Variants in OR10G3 observed in about 807,000 individuals in gnomAD.
The protein encoded by OR10G3 is olfactory receptor family 10 subfamily G member 3, also known as olfactory receptor 10G3.
Under a neutral mutation model 13.4 loss-of-function variants are expected in OR10G3, and 8 were observed. That is an observed-to-expected ratio of 0.60 (90% CI 0.35 to 1.08). OR10G3 has a LOEUF of 1.08. OR10G3 is among the 50% of genes least tolerant of loss of function. The probability of loss-of-function intolerance (pLI) is 0.02; values close to 1 mark genes in which losing one functional copy is unlikely to be tolerated. For synonymous variants in OR10G3, 142 were observed against 156.1 expected (o/e 0.91, Z 0.67); for missense variants, 393 against 386.6 (o/e 1.02, Z -0.14).
In OR10G3 at chr14:21,570,112, G is replaced by C; in HGVS notation, c.633C>G (p.Cys211Trp). The change falls in exon 2 of 2, where the codon TGC becomes TGG. Residue 211 changes from cysteine (C) to tryptophan (W), a missense_variant. Cys to Trp is a radical substitution (Grantham distance 215). Transcript: ENST00000641040. Reference sequence around the variant, plus strand: ...TGTAGGAGAGGAGGATCAGGGAGAAGCAACTGGCAACCACCACCCCAATGT... The same window carrying C: ...TGTAGGAGAGGAGGATCAGGGAGAACCAACTGGCAACCACCACCCCAATGT... The part of the protein sequence containing the change: ...FVDIGVVVAS[C>W]FSLILLSYIQ... 6.2e-7 allele frequency: 1 copy of C among 1,614,208 alleles called. No homozygotes were observed. Among genetic ancestry groups the C allele is most frequent in the Non-Finnish European group, 8.5e-7 (1 of 1,180,038 alleles).
chr14:21,573,075 A>G (rs1476600498), intron 1 of OR10G3, among the ~76,000 whole-genome samples: 2 of 152,214 alleles, frequency 1.3e-5, no homozygotes, highest in African/African-American at 4.8e-5. Context: ...CTGAAATTGT[A>G]AAACTACTGG....
At chr14:21,575,523 G>A (rs779691269) in intron 1 of OR10G3, among the ~76,000 whole-genome samples, 45 of 152,090 alleles carry the variant, frequency 3.0e-4, no homozygotes, top group Admixed American at 2.2e-3. Context: ...TGGGATTACA[G>A]GCATGCGCCA....
rs564081626 is a variant in OR10G3, at chr14:21,569,037, A to AATAT, written c.*762_*765dup. 6.6e-6 allele frequency: 1 copy of AATAT among 150,498 alleles called. No homozygotes were observed. Among genetic ancestry groups the AATAT allele is most frequent in the African/African-American group, 2.4e-5 (1 of 41,054 alleles). 9.3% of individuals were successfully genotyped at this position (150,498 alleles called of 1,614,324 possible). Reference sequence around the variant, plus strand: ...AGACGGACAGAACTAATGGGAAAAAAATATATATATATTTATATATATATA... The same window carrying AATAT: ...AGACGGACAGAACTAATGGGAAAAAAATATATATATATATATTTATATATATATA... On this transcript the variant is annotated 3_prime_UTR_variant, in exon 2 of 2. Coordinates refer to ENST00000641040, the MANE Select transcript of OR10G3 (RefSeq NM_001005465.2).
At chr14:21,571,038 T>A (rs1406964587) in intron 1 of OR10G3, among the ~76,000 whole-genome samples, 1 of 152,206 alleles carries the variant, frequency 6.6e-6, no homozygotes, top group Non-Finnish European at 1.5e-5. Flanking sequence ...ACATAAACTA[T>A]TTACTCCCTG....
At chr14:21,575,835 A>C (rs182247635) in intron 1 of OR10G3, among the ~76,000 whole-genome samples, 1 of 152,328 alleles carries the variant, frequency 6.6e-6, no homozygotes, top group African/African-American at 2.4e-5. Flanking sequence ...CAAGTCAATA[A>C]AATGCAGTTT....
At position 21,570,150 on chromosome 14, in the gene OR10G3, C is replaced by T. The variant is rs1412082964; in HGVS notation, c.595G>A (p.Val199Met). 2 of 1,614,118 alleles carry T rather than the reference C, an allele frequency of 1.2e-6. No homozygotes were observed. Among genetic ancestry groups the T allele is most frequent in the Non-Finnish European group, 8.5e-7 (1 of 1,180,056 alleles). The change falls in exon 2 of 2, where the codon GTG (valine) becomes ATG (methionine). Residue 199 changes from valine (V) to methionine (M), a missense_variant. By Grantham distance (21) the Val-to-Met change is conservative. Coordinates refer to ENST00000641040, the MANE Select transcript of OR10G3 (RefSeq NM_001005465.2). ...ACCACCCCAATGTCTACAAACGTCA[C>T]CAGCTCGTTGACTGTTGTGTCAGCA... The part of the protein sequence containing the change: ...ACADTTVNEL[V>M]TFVDIGVVVA...
chr14:21,570,604 G>T lies in OR10G3; in HGVS notation c.141C>A (p.Ile47=), dbSNP rs1893057762. 1.9e-6 allele frequency: 3 copies of T among 1,614,092 alleles called. No homozygotes were observed. Among genetic ancestry groups the T allele is most frequent in the African/African-American group, 1.3e-5 (1 of 75,022 alleles). The change falls in exon 2 of 2, where the codon ATC becomes ATA. Residue 47 remains isoleucine, a synonymous_variant. Coordinates refer to ENST00000641040, the MANE Select transcript of OR10G3 (RefSeq NM_001005465.2). ...GGAGCCTTGGGTCTGCCCAGACAGT[G>T]ATTAAAATAAGCAGGTTTCCCAGCT... ...LTQLGNLLIL[I]TVWADPRLHA...
rs922294033 is a variant in OR10G3, at chr14:21,570,001, C to G, written c.744G>C (p.Val248=). The G allele has an allele frequency of 6.2e-7, 1 of 1,613,992 alleles. No individual in the cohort carries two copies. Among genetic ancestry groups the G allele is most frequent in the East Asian group, 2.2e-5 (1 of 44,874 alleles). ...CACAGGGCACATAGTACACGGTGAC[C>G]ACGGTTACATGGGCTCCACAAGTTG... is the stretch of plus-strand genomic sequence containing the variant. The part of the protein sequence containing the change: ...AFSTCGAHVT[V]VTVYYVPCAF... Residue 248 remains valine (V), a synonymous_variant, in exon 2 of 2, where the codon GTG becomes GTC. Transcript: ENST00000641040.
Position 21,569,672 on chromosome 14 carries a change from A to G in OR10G3, c.*131T>C, listed in dbSNP as rs895810324. 4 of 723,950 alleles carry G rather than the reference A, an allele frequency of 5.5e-6. No individual in the cohort carries two copies. Among genetic ancestry groups the G allele is most frequent in the Non-Finnish European group, 9.1e-6 (4 of 439,990 alleles). 44.8% of individuals were successfully genotyped at this position (723,950 alleles called of 1,614,324 possible). The stretch of plus-strand genomic sequence containing the variant: ...TGTTAGAAAGTTAGTATTTTACCTT[A>G]AACTGTGTTTGATCATACAGTATGG... On this transcript the variant is annotated 3_prime_UTR_variant, in exon 2 of 2. Coordinates refer to ENST00000641040, the MANE Select transcript of OR10G3 (RefSeq NM_001005465.2).
rs12886819 is a variant in OR10G3 at position 21,570,600 on chromosome 14, C to G, written c.145G>C (p.Val49Leu). Residue 49 changes from valine to leucine, a missense_variant, in exon 2 of 2, where the codon GTC becomes CTC. Val to Leu is a conservative substitution (Grantham distance 32, BLOSUM62 1). Coordinates refer to ENST00000641040, the MANE Select transcript of OR10G3 (RefSeq NM_001005465.2). ...QLGNLLILIT[V>L]WADPRLHARP... ...GCATGGAGCCTTGGGTCTGCCCAGA[C>G]AGTGATTAAAATAAGCAGGTTTCCC... is the stretch of plus-strand genomic sequence containing the variant. 39,887 of 1,613,954 alleles carry G rather than the reference C, an allele frequency of 0.025. 604 individuals are homozygous for G. The highest frequency in any genetic ancestry group is 0.029 in the Non-Finnish European group (33,951 of 1,179,984).
At chr14:21,573,349 G>A (rs1225964888) in intron 1 of OR10G3, among the ~76,000 whole-genome samples, 2 of 152,212 alleles carry the variant, frequency 1.3e-5, no homozygotes, top group East Asian at 3.9e-4. Flanking sequence ...TGGGAATGCG[G>A]ATGGGGAATG....
rs1289991518 is a variant in OR10G3 at position 21,580,065 on chromosome 14, G to A, written c.-297C>T. The A allele has an allele frequency of 6.6e-6, 1 of 152,184 alleles. No individual in the cohort carries two copies. Among genetic ancestry groups the A allele is most frequent in the Non-Finnish European group, 1.5e-5 (1 of 68,042 alleles). The allele number at this position is 152,184 out of a possible 1,614,324, so 9.4% of individuals were successfully genotyped here. A position where few individuals can be genotyped will look rare whatever the true frequency, so the allele number is the denominator to read the frequency against. On this transcript the variant is annotated 5_prime_UTR_variant, in exon 1 of 2. Coordinates refer to ENST00000641040, the MANE Select transcript of OR10G3 (RefSeq NM_001005465.2). ...GGCTCTTACTGAAGATAACTGTTAA[G>A]GTTGGTCTCTCCTGTGTTCTACTAC...
chr14:21,574,399 A>G (rs1174457919), intron 1 of OR10G3, among the ~76,000 whole-genome samples: 2 of 151,868 alleles, frequency 1.3e-5, no homozygotes, highest in African/African-American at 4.8e-5. Context: ...TAACAGGGAA[A>G]TGTCAGGAGC....
At position 21,569,816 on chromosome 14, in the gene OR10G3, G is replaced by T. The variant is rs371165579; in HGVS notation, c.929C>A (p.Pro310Gln). The T allele has an allele frequency of 1.5e-5, 25 of 1,613,824 alleles. No homozygotes were observed. The highest frequency in any genetic ancestry group is 2.1e-5 in the Non-Finnish European group (25 of 1,179,772). ...AGAAAGACACTTTCAAACCTCACTC[G>T]GAGTTCTTGGGCTTCTGAGCATTCT... ...LKRMLRSPRTPSEV is the reference protein window; with the variant it reads ...LKRMLRSPRTQSEV The change falls in exon 2 of 2, where the codon CCG becomes CAG. Residue 310 changes from proline to glutamine, a missense_variant. By Grantham distance (76) the Pro-to-Gln change is moderately conservative (BLOSUM62 -1). Transcript: ENST00000641040.
At chr14:21,577,126 G>C (rs1432680728) in intron 1 of OR10G3, among the ~76,000 whole-genome samples, 1 of 151,882 alleles carries the variant, frequency 6.6e-6, no homozygotes, top group Non-Finnish European at 1.5e-5. Flanking sequence ...ATACTCTCTG[G>C]CTCATTAATA....
intron 1 of OR10G3, among the ~76,000 whole-genome samples, chr14:21,579,505 A>G (rs1876840379): frequency 6.6e-6 from 1 of 152,208 alleles, no homozygotes; most frequent in African/African-American, 2.4e-5. Context: ...TTGGCATCCC[A>G]AAGTGCTGGG....
In OR10G3 at chr14:21,577,514, C is replaced by G. The variant is rs576554334; in HGVS notation, c.-18+2272G>C. ...AAAATAATGTAGTAAATCATGTGAA[C>G]TGAATCACAATTTTAAGAGTTTTAT... is the stretch of plus-strand genomic sequence containing the variant. On this transcript the variant is annotated intron_variant, in intron 1 of 1. Transcript: ENST00000641040. Among the ~76,000 whole-genome samples, 15 of 152,348 alleles carry G rather than the reference C, an allele frequency of 9.8e-5. No individual in the cohort carries two copies. The East Asian group carries it at 2.9e-3, about 29-fold the overall frequency.
chr14:21,579,359 C>A (rs1876837275), intron 1 of OR10G3, among the ~76,000 whole-genome samples: 1 of 152,160 alleles, frequency 6.6e-6, no homozygotes, highest in African/African-American at 2.4e-5. Context: ...ATTCTCCTGC[C>A]TCAGCCTCCC....
chr14:21,570,734 ATTCT>A lies in OR10G3; in HGVS notation c.7_10del (p.Arg3SerfsTer6), dbSNP rs1275130983. The A allele has an allele frequency of 6.3e-7, 1 of 1,579,982 alleles. No individual in the cohort carries two copies. The highest frequency in any genetic ancestry group is 8.5e-7 in the Non-Finnish European group (1 of 1,170,236). The stretch of plus-strand genomic sequence containing the variant: ...AAACGCAGTCAACAGTGTGCTGTTG[ATTCT>A]TTCCATATCCCAGAGAATCTTACCT... On this transcript the variant is annotated frameshift_variant, in exon 2 of 2. Transcript: ENST00000641040. LOFTEE classifies it high-confidence loss of function.
Sources: gnomAD v4.1 joint callset for allele counts (sites outside exome capture counted in the v4.1 genomes callset) on GRCh38, gnomAD v4.1.1 for gene constraint, MANE v1.5 for transcripts, NCBI Gene and HGNC (gene_info 2026-07-23, HGNC 2026-07-21) for gene names.